The following DHRSX variants were observed in gnomAD, a reference collection of about 807,000 sequenced individuals.
DHRSX encodes the protein dehydrogenase/reductase X-linked.
In DHRSX, 31 loss-of-function variants were observed where a neutral mutation model predicts 34.0. The ratio of observed to expected loss-of-function variants is 0.91; its 90% CI spans 0.69 to 1.23. DHRSX has a LOEUF of 1.23. Among genes scored for constraint, DHRSX ranks in the 50% most tolerant of loss-of-function variants. DHRSX has a pLI of 0.00. For missense variants in DHRSX, 414 were observed against 428.1 expected, an observed-to-expected ratio of 0.97 and a Z score of 0.29; for synonymous variants, 201 against 183.8, an observed-to-expected ratio of 1.09 and a Z score of -0.76.
chrX:2,429,895 T>C (rs2043896093), intron 1 of DHRSX, among the ~76,000 whole-genome samples: 2 of 151,976 alleles, frequency 1.3e-5, no homozygotes, highest in Non-Finnish European at 2.9e-5. Context: ...ATTAAATAAA[T>C]CCAAGAAGAG....
intron 3 of DHRSX, among the ~76,000 whole-genome samples, chrX:2,386,234 CAG>C (rs769954779): frequency 6.6e-6 from 1 of 151,248 alleles, no homozygotes; most frequent in South Asian, 2.1e-4. Context: ...AAGAGAGAGA[CAG>C]AGAGACGGAG....
intron 3 of DHRSX, among the ~76,000 whole-genome samples, chrX:2,337,673 G>A (rs1198450560): frequency 3.3e-5 from 5 of 151,920 alleles, no homozygotes; most frequent in African/African-American, 4.8e-5. Context: ...ACCTGGAGAC[G>A]GGAAAGTAGG....
intron 5 of DHRSX, among the ~76,000 whole-genome samples, chrX:2,247,321 G>T (rs1267647739): frequency 6.6e-6 from 1 of 151,092 alleles, no homozygotes; most frequent in African/African-American, 2.4e-5. Context: ...CAGATGAAAA[G>T]TAGAATATTA....
chrX:2,443,677 G>C (rs1354097373), intron 1 of DHRSX, among the ~76,000 whole-genome samples: 1 of 152,072 alleles, frequency 6.6e-6, no homozygotes, highest in Admixed American at 6.6e-5. Context: ...CCAACAGTGA[G>C]AATAACTCGT....
chrX:2,405,020 C>G (rs995976070), intron 3 of DHRSX, among the ~76,000 whole-genome samples: 7 of 152,140 alleles, frequency 4.6e-5, no homozygotes, highest in African/African-American at 1.7e-4. Context: ...GGAGTGTGTT[C>G]CTGAAAATCA....
chrX:2,302,936 G>A (rs2042031170), intron 3 of DHRSX, among the ~76,000 whole-genome samples: 1 of 152,074 alleles, frequency 6.6e-6, no homozygotes, highest in African/African-American at 2.4e-5. Flanking sequence ...TTTTGCCATG[G>A]AGAGTTTAAA....
At chrX:2,224,561 C>T (rs905540393) in intron 6 of DHRSX, among the ~76,000 whole-genome samples, 3 of 152,072 alleles carry the variant, frequency 2.0e-5, no homozygotes, top group African/African-American at 4.8e-5. Context: ...ACAGAGATGA[C>T]GACGTGATGA....
intron 3 of DHRSX, chrX:2,338,149 A>G (rs1171646362): frequency 6.6e-6 from 1 of 151,762 alleles, no homozygotes; most frequent in African/African-American, 2.4e-5. Flanking sequence ...CCTGGTCAAC[A>G]TGGTGAAACC....
intron 1 of DHRSX, among the ~76,000 whole-genome samples, chrX:2,471,335 G>A (rs1016594071): frequency 1.3e-5 from 2 of 152,200 alleles, no homozygotes; most frequent in Non-Finnish European, 2.9e-5. Flanking sequence ...GGGAGGCCGA[G>A]GTGGGTGGAT....
chrX:2,235,454 C>T (rs959577077), intron 6 of DHRSX, among the ~76,000 whole-genome samples: 3 of 151,774 alleles, frequency 2.0e-5, no homozygotes, highest in African/African-American at 7.3e-5. Context: ...TCAATAAATA[C>T]ATAAGCCGGG....
chrX:2,382,706 C>T (rs2043221726), intron 3 of DHRSX, among the ~76,000 whole-genome samples: 1 of 142,284 alleles, frequency 7.0e-6, no homozygotes, highest in African/African-American at 2.6e-5. Context: ...TCATCACCAT[C>T]ACCATCATCA....
chrX:2,470,484 G>C (rs1462996562), intron 1 of DHRSX, among the ~76,000 whole-genome samples: 5 of 152,082 alleles, frequency 3.3e-5, no homozygotes, highest in African/African-American at 1.2e-4. Flanking sequence ...GAGGCAGGAG[G>C]ATCGCTTTAG....
intron 3 of DHRSX, among the ~76,000 whole-genome samples, chrX:2,364,641 C>A (rs2042976683): frequency 6.6e-6 from 1 of 152,172 alleles, no homozygotes; most frequent in Non-Finnish European, 1.5e-5. Flanking sequence ...TATCTATCTA[C>A]CATCATTTAT....
rs373722903 is a variant in DHRSX, at chrX:2,315,122, C to T, written c.287-23519G>A. ...GCGGTGAGCTGAGATCACGCCATAG[C>T]ACTCCAGCCTGGGCAGCAAGAGTGA... On this transcript the variant is annotated intron_variant, in intron 3 of 6. Transcript: ENST00000334651. Among the ~76,000 whole-genome samples the T allele has an allele frequency of 4.9e-3, 742 of 151,724 alleles. 2 individuals carry two copies. Among genetic ancestry groups the T allele is most frequent in the Non-Finnish European group, 8.4e-3 (572 of 67,964 alleles).
At chrX:2,416,338 C>G (rs1410594871) in intron 2 of DHRSX, among the ~76,000 whole-genome samples, 1 of 152,100 alleles carries the variant, frequency 6.6e-6, no homozygotes, top group African/African-American at 2.4e-5. Flanking sequence ...TCATTATAAC[C>G]CAACTAGACC....
At chrX:2,354,951 C>G (rs2042831066) in intron 3 of DHRSX, among the ~76,000 whole-genome samples, 1 of 151,982 alleles carries the variant, frequency 6.6e-6, no homozygotes. Flanking sequence ...CATCTTGGGA[C>G]TCATGGGAAA....
chrX:2,264,517 C>G (rs1489926562), intron 5 of DHRSX, among the ~76,000 whole-genome samples: 1 of 150,894 alleles, frequency 6.6e-6, no homozygotes, highest in Non-Finnish European at 1.5e-5. Context: ...TCAGGGAGCA[C>G]TGTGCCCAGA....
Position 2,488,585 on chromosome X carries a change from C to T in DHRSX, c.109+12232G>A, listed in dbSNP as rs781071374. On this transcript the variant is annotated intron_variant, in intron 1 of 6. Coordinates refer to ENST00000334651, the MANE Select transcript of DHRSX (RefSeq NM_145177.3). The stretch of plus-strand genomic sequence containing the variant: ...GACCGGGTAAGTATTTACAGCAAAG[C>T]ATCCAATGGGCTGCTGCGGGGATGA... The T allele has an allele frequency of 2.0e-6, 3 of 1,533,286 alleles. No individual in the cohort carries two copies. In the East Asian group the frequency reaches 6.8e-5, roughly 35 times the overall value. The allele number at this position is 1,533,286 out of a possible 1,614,324, so 95.0% of individuals were successfully genotyped here.
intron 3 of DHRSX, among the ~76,000 whole-genome samples, chrX:2,311,683 C>G (rs188104699): frequency 3.9e-5 from 6 of 152,240 alleles, no homozygotes; most frequent in Admixed American, 2.6e-4. Context: ...CGTGGAAACG[C>G]GGACTTGTGA....
Sources: gnomAD v4.1 joint callset for allele counts (sites outside exome capture counted in the v4.1 genomes callset) on GRCh38, gnomAD v4.1.1 for gene constraint, MANE v1.5 for transcripts, NCBI Gene and HGNC (gene_info 2026-07-23, HGNC 2026-07-21) for gene names.